TSR1: variants seen among roughly 807,000 people sequenced by gnomAD.
TSR1 encodes the protein pre-rRNA-processing protein TSR1 homolog.
Under a neutral mutation model 90.9 loss-of-function variants are expected in TSR1, and 81 were observed. The observed-to-expected ratio is 0.89, with a 90% confidence interval of 0.74 to 1.07. The LOEUF (loss-of-function observed/expected upper bound fraction) is 1.07, where lower values mean the gene tolerates loss of function less well. TSR1 is among the 50% of genes least tolerant of loss of function. The pLI, the probability that TSR1 is intolerant of heterozygous loss-of-function variation, is 0.00. For synonymous variants in TSR1, 362 were observed against 348.8 expected (o/e 1.04, Z -0.42); for missense variants, 989 against 987.3 (o/e 1.00, Z -0.02).
Position 2,325,079 on chromosome 17 carries a change from T to C in TSR1, c.2020+225A>G, listed in dbSNP as rs187517044. 6.7e-4 allele frequency: 401 copies of C among 596,640 alleles called. 3 individuals are homozygous for C. Among genetic ancestry groups the C allele is most frequent in the Non-Finnish European group, 5.7e-5 (20 of 349,558 alleles). 37.0% of individuals were successfully genotyped at this position (596,640 alleles called of 1,614,324 possible). On this transcript the variant is annotated intron_variant, in intron 12 of 14. Transcript: ENST00000301364. Reference sequence around the variant, plus strand: ...CTCATCAGTTGTTACAAGGAAAGGATGTTGAACAAAAGGCAGTTATTTGAG... The same window carrying C: ...CTCATCAGTTGTTACAAGGAAAGGACGTTGAACAAAAGGCAGTTATTTGAG...
rs182968782 is a variant in TSR1 at position 2,324,818 on chromosome 17, G to C, written c.2032C>G (p.Leu678Val). 2.5e-6 allele frequency: 4 copies of C among 1,610,972 alleles called. No homozygotes were observed. Among genetic ancestry groups the C allele is most frequent in the Non-Finnish European group, 3.4e-6 (4 of 1,179,308 alleles). ...FKQKSNGMHS[L>V]IATGHLMSVD... ...GACATAAGATGGCCTGTAGCAATGA[G>C]GCTGTGCATTCCTAAAGGACAAAAG... The change falls in exon 13 of 15, where the codon CTC becomes GTC. Residue 678 changes from leucine to valine, a missense_variant. Coordinates refer to ENST00000301364, the MANE Select transcript of TSR1 (RefSeq NM_018128.5).
At position 2,324,487 on chromosome 17, in the gene TSR1, A is replaced by C. The variant is rs750327506; in HGVS notation, c.2236+17T>G. ...TGCAGAAATGCAGACATGGTCTCAA[A>C]TCCCGTGTTTCCTTACCTAAAGGTT... is the stretch of plus-strand genomic sequence containing the variant. On this transcript the variant is annotated intron_variant, in intron 14 of 14. Transcript: ENST00000301364. 2 of 1,614,198 alleles carry C rather than the reference A, an allele frequency of 1.2e-6. No homozygotes were observed. Among genetic ancestry groups the C allele is most frequent in the Non-Finnish European group, 1.7e-6 (2 of 1,180,030 alleles).
Position 2,336,374 on chromosome 17 carries a change from G to A in TSR1, c.54C>T (p.Gly18=), listed in dbSNP as rs552221305. 6.2e-7 allele frequency: 1 copy of A among 1,613,512 alleles called. No individual in the cohort carries two copies. Among genetic ancestry groups the A allele is most frequent in the Non-Finnish European group, 8.5e-7 (1 of 1,180,042 alleles). The change falls in exon 1 of 15, where the codon GGC becomes GGT. Residue 18 remains glycine (G), a synonymous_variant. Transcript: ENST00000301364. ...CAGATCCCCGACCCCGATGCCGTCC[G>A]CCTTTATGAGCTTTATTCTGCTGCT... The part of the protein sequence containing the change: ...PLKQQNKAHK[G]GRHRGRGSAQ...
At position 2,324,538 on chromosome 17, in the gene TSR1, C is replaced by A; in HGVS notation, c.2202G>T (p.Lys734Asn). 6.2e-7 allele frequency: 1 copy of A among 1,614,222 alleles called. No homozygotes were observed. The highest frequency in any genetic ancestry group is 1.1e-5 in the South Asian group (1 of 91,086). Reference protein sequence around the residue: ...LWFKPVELRTKWGRRGHIKEP... With the variant: ...LWFKPVELRTNWGRRGHIKEP... ...CCTTGATATGTCCTCTCCGGCCCCACTTCGTTCTCAGTTCCACTGGTTTAA... is the reference window on the plus strand; with the variant it reads ...CCTTGATATGTCCTCTCCGGCCCCAATTCGTTCTCAGTTCCACTGGTTTAA... The change falls in exon 14 of 15, where the codon AAG becomes AAT. Residue 734 changes from lysine to asparagine, a missense_variant. Lys to Asn is a moderately conservative substitution (Grantham distance 94). Transcript: ENST00000301364.
chr17:2,325,492 G>T (rs1597274059), intron 11 of TSR1, 72 bp from the exon 12 acceptor site: 3 of 1,198,922 alleles, frequency 2.5e-6, no homozygotes, highest in Non-Finnish European at 1.2e-6. Context: ...CCTGTGAAAA[G>T]CTGTATTAGT....
chr17:2,332,931 C>T (rs1040871971), intron 7 of TSR1, 30 bp downstream of exon 7: 10 of 1,603,460 alleles, frequency 6.2e-6, no homozygotes, highest in Non-Finnish European at 8.5e-6. Flanking sequence ...GAGCTAGACA[C>T]AGAATTGGCC....
chr17:2,327,612 T>A (rs188999818), intron 11 of TSR1, among the ~76,000 whole-genome samples: 116 of 152,260 alleles, frequency 7.6e-4, no homozygotes, highest in Middle Eastern at 3.4e-3. Flanking sequence ...AGAAATAGCC[T>A]AAGTGCTCAC....
At position 2,336,421 on chromosome 17, in the gene TSR1, C is replaced by T. The variant is rs1405735373; in HGVS notation, c.7G>A (p.Ala3Thr). 5.0e-6 allele frequency: 8 copies of T among 1,610,300 alleles called. No homozygotes were observed. The highest frequency in any genetic ancestry group is 6.8e-6 in the Non-Finnish European group (8 of 1,179,816). Residue 3 changes from alanine (A) to threonine (T), a missense_variant, in exon 1 of 15, where the codon GCC (alanine) becomes ACC (threonine). Transcript: ENST00000301364. ...TGCTTGAGCGGGCCGGGGCGGTGGGCCGCCATGCCGCAGCGCGCGTGTACG... is the reference window on the plus strand; with the variant it reads ...TGCTTGAGCGGGCCGGGGCGGTGGGTCGCCATGCCGCAGCGCGCGTGTACG... The part of the protein sequence containing the change: MA[A>T]HRPGPLKQQN...
intron 4 of TSR1, 146 bp downstream of exon 4, chr17:2,335,114 T>C (rs1000840496): frequency 9.3e-7 from 1 of 1,080,686 alleles, no homozygotes. Flanking sequence ...CCCTGAGTGA[T>C]AATCTGTAAA....
intron 7 of TSR1, 102 bp downstream of exon 7, chr17:2,332,858 TA>T (rs2064016880): frequency 2.4e-5 from 28 of 1,184,188 alleles, no homozygotes; most frequent in Non-Finnish European, 3.0e-5. Flanking sequence ...ATAAAAAAAA[TA>T]AAAAAAAGAA....
In TSR1 at chr17:2,327,687, G is replaced by A. The variant is rs995793969; in HGVS notation, c.1903+1656C>T. Reference sequence around the variant, plus strand: ...TGGAATATATCCAAATGACAATAAAGCATTAAAAGTCTCATTAACTAATTA... The same window carrying A: ...TGGAATATATCCAAATGACAATAAAACATTAAAAGTCTCATTAACTAATTA... On this transcript the variant is annotated intron_variant, in intron 11 of 14. Transcript: ENST00000301364. Among the ~76,000 whole-genome samples, 3 of 151,948 alleles carry A rather than the reference G, an allele frequency of 2.0e-5. No homozygotes were observed. In the South Asian group the frequency reaches 6.2e-4, roughly 31 times the overall value.
chr17:2,330,223 A>T, intron 10 of TSR1: 1 of 536,832 alleles, frequency 1.9e-6, no homozygotes, highest in Non-Finnish European at 3.7e-6. Flanking sequence ...GCCCAGCCAA[A>T]CCTTTATTTT....
In TSR1 at chr17:2,336,329, A is replaced by C. The variant is rs774276131; in HGVS notation, c.97+2T>G. ...CTTATTCCTTCTACGTTATCTCCTT[A>C]CCCTTGCCGTCCCGCTGTGCAGATC... On this transcript the variant is annotated splice_donor_variant, in intron 1 of 14. Coordinates refer to ENST00000301364, the MANE Select transcript of TSR1 (RefSeq NM_018128.5). LOFTEE classifies it high-confidence loss of function. 6.2e-7 allele frequency: 1 copy of C among 1,613,976 alleles called. No individual in the cohort carries two copies. Among genetic ancestry groups the C allele is most frequent in the South Asian group, 1.1e-5 (1 of 91,076 alleles).
At position 2,324,843 on chromosome 17, in the gene TSR1, G is replaced by C. The variant is rs1267723308; in HGVS notation, c.2021-14C>G. 1 of 1,599,548 alleles carries C rather than the reference G, an allele frequency of 6.3e-7. No individual in the cohort carries two copies. The highest frequency in any genetic ancestry group is 1.8e-5 in the Admixed American group (1 of 55,850). ...GGCTGTGCATTCCTAAAGGACAAAA[G>C]CAAAGAAGCTATTTAGGAATTTACA... On this transcript the variant is annotated splice_polypyrimidine_tract_variant and intron_variant, in intron 12 of 14. Transcript: ENST00000301364.
At chr17:2,336,254 G>A (rs2064078035) in intron 1 of TSR1, 77 bp downstream of exon 1, 4 of 1,601,756 alleles carry the variant, frequency 2.5e-6, no homozygotes, top group Non-Finnish European at 3.4e-6. Context: ...ACGGGAGACA[G>A]AAGCTCAGTC....
intron 11 of TSR1, among the ~76,000 whole-genome samples, chr17:2,327,963 A>AT (rs1380912993): frequency 1.3e-5 from 2 of 152,122 alleles, no homozygotes. Flanking sequence ...CAATAAAAGA[A>AT]TGACTGGCCA....
chr17:2,328,299 C>A (rs186017142), intron 11 of TSR1, among the ~76,000 whole-genome samples: 216 of 150,632 alleles, frequency 1.4e-3, no homozygotes, highest in Non-Finnish European at 2.8e-3. Flanking sequence ...GTAATCCCAG[C>A]ACTTTGGGAG....
chr17:2,325,550 C>T (rs1271136439), intron 11 of TSR1, 130 bp from the exon 12 acceptor site: 1 of 684,424 alleles, frequency 1.5e-6, no homozygotes, highest in African/African-American at 1.8e-5. Context: ...ACCACCAGTT[C>T]TCAAAAATTT....
At chr17:2,335,094 CAA>C (rs1438349619) in intron 4 of TSR1, among the ~76,000 whole-genome samples, 164 bp downstream of exon 4, 3 of 152,212 alleles carry the variant, frequency 2.0e-5, no homozygotes, top group Admixed American at 6.5e-5. Flanking sequence ...CAGCCAAAAA[CAA>C]AAAGACACCC....
Sources: gnomAD v4.1 joint callset for allele counts (sites outside exome capture counted in the v4.1 genomes callset) on GRCh38, gnomAD v4.1.1 for gene constraint, MANE v1.5 for transcripts, NCBI Gene and HGNC (gene_info 2026-07-23, HGNC 2026-07-21) for gene names.